MCF2L2: variants seen among roughly 807,000 people sequenced by gnomAD.
The protein encoded by MCF2L2 is probable guanine nucleotide exchange factor MCF2L2.
Under a neutral mutation model 150.2 loss-of-function variants are expected in MCF2L2, and 102 were observed. The observed-to-expected ratio is 0.68, with a 90% CI of 0.58 to 0.80. The LOEUF (loss-of-function observed/expected upper bound fraction) is 0.80, where lower values mean the gene tolerates loss of function less well. Ranked by LOEUF, MCF2L2 falls within the 30% of genes least tolerant of loss-of-function variation. The probability of loss-of-function intolerance (pLI) is 0.00; values close to 1 mark genes in which losing one functional copy is unlikely to be tolerated. For synonymous variants in MCF2L2, 465 were observed against 491.3 expected, an observed-to-expected ratio of 0.95 and a Z score of 0.71; for missense variants, 1,256 against 1,372.8, an observed-to-expected ratio of 0.91 and a Z score of 1.34.
intron 3 of MCF2L2, among the ~76,000 whole-genome samples, chr3:183,359,366 C>A (rs991964349): frequency 6.6e-6 from 1 of 152,202 alleles, no homozygotes; most frequent in South Asian, 2.1e-4. Context: ...CTTTCTGATT[C>A]GTTTCACAAA....
intron 15 of MCF2L2, among the ~76,000 whole-genome samples, chr3:183,233,754 A>G (rs1723673134): frequency 6.6e-6 from 1 of 152,196 alleles, no homozygotes; most frequent in Non-Finnish European, 1.5e-5. Flanking sequence ...ATCTTTTTTA[A>G]AGTGAAACAT....
At chr3:183,321,999 G>C (rs555887134) in intron 6 of MCF2L2, among the ~76,000 whole-genome samples, 1 of 152,360 alleles carries the variant, frequency 6.6e-6, no homozygotes, top group African/African-American at 2.4e-5. Flanking sequence ...GGCAGAGGGG[G>C]CATAACAGCT....
At chr3:183,308,573 C>G (rs1729214867) in intron 10 of MCF2L2, among the ~76,000 whole-genome samples, 1 of 152,146 alleles carries the variant, frequency 6.6e-6, no homozygotes, top group African/African-American at 2.4e-5. Context: ...GAATGGGGAT[C>G]TGGATACACA....
intron 20 of MCF2L2, among the ~76,000 whole-genome samples, chr3:183,221,124 C>G (rs1206293794): frequency 6.6e-6 from 1 of 152,192 alleles, no homozygotes; most frequent in Non-Finnish European, 1.5e-5. Flanking sequence ...CAAGGTCGTT[C>G]CTTTCTTTGC....
At chr3:183,280,299 CTA>C (rs1727396321) in intron 14 of MCF2L2, among the ~76,000 whole-genome samples, 1 of 152,008 alleles carries the variant, frequency 6.6e-6, no homozygotes, top group Non-Finnish European at 1.5e-5. Context: ...AAAAAAACGC[CTA>C]GAGGAATTTT....
At chr3:183,290,337 T>TG (rs143935266) in intron 13 of MCF2L2, among the ~76,000 whole-genome samples, 3,038 of 152,288 alleles carry the variant, frequency 0.02, 58 homozygotes, top group East Asian at 0.051. Flanking sequence ...AATTGGGACT[T>TG]GAGAGGAGAA....
At chr3:183,206,093 G>A in intron 24 of MCF2L2, 29 bp downstream of exon 24, 1 of 1,597,420 alleles carries the variant, frequency 6.3e-7, no homozygotes, top group Non-Finnish European at 8.6e-7. Flanking sequence ...AAGAGTAGAG[G>A]AGACCCATGG....
intron 1 of MCF2L2, among the ~76,000 whole-genome samples, chr3:183,409,283 T>A (rs899001897): frequency 1.3e-5 from 2 of 152,224 alleles, no homozygotes; most frequent in African/African-American, 4.8e-5. Flanking sequence ...TAGCACTTTG[T>A]CATTTACTGG....
chr3:183,340,308 TGA>T (rs999972956), intron 4 of MCF2L2, among the ~76,000 whole-genome samples: 28 of 152,172 alleles, frequency 1.8e-4, no homozygotes, highest in African/African-American at 6.8e-4. Context: ...CAGGTTTAAG[TGA>T]GGTTTCAAAT....
intron 25 of MCF2L2, 31 bp from the exon 26 acceptor site, chr3:183,195,286 C>G: frequency 6.4e-7 from 1 of 1,552,956 alleles, no homozygotes; most frequent in Non-Finnish European, 8.8e-7. Flanking sequence ...AAACAGCACT[C>G]TCAAATTTAA....
chr3:183,422,187 G>C (rs895537228), intron 1 of MCF2L2, among the ~76,000 whole-genome samples: 2 of 152,174 alleles, frequency 1.3e-5, no homozygotes, highest in African/African-American at 4.8e-5. Context: ...TGATAAACAA[G>C]CTGGCCTATG....
At chr3:183,297,606 A>G (rs7643268) in intron 11 of MCF2L2, 9,719 of 149,180 alleles carry the variant, frequency 0.065, 1,020 homozygotes, top group African/African-American at 0.23. Context: ...CTACAGATGC[A>G]TGCCACCACA....
Position 183,381,664 on chromosome 3 carries a change from G to T in MCF2L2, c.161-2253C>A, listed in dbSNP as rs570382277. Among the ~76,000 whole-genome samples, 143 of 152,236 alleles carry T rather than the reference G, an allele frequency of 9.4e-4. 2 individuals carry two copies. In the South Asian group the frequency reaches 0.028, roughly 30 times the overall value. ...ATTGCTGTAGAACGAAACCATGTGA[G>T]ATTTGTCTGGATGGTCAGTCATCCC... is the stretch of plus-strand genomic sequence containing the variant. On this transcript the variant is annotated intron_variant, in intron 2 of 29. Transcript: ENST00000328913.
At chr3:183,310,889 A>T in intron 9 of MCF2L2, 26 bp downstream of exon 9, 1 of 1,512,318 alleles carries the variant, frequency 6.6e-7, no homozygotes, top group African/African-American at 1.4e-5. Context: ...CAGAAAAGAA[A>T]GTTACAGTAA....
chr3:183,424,252 C>T (rs1651733172), intron 1 of MCF2L2, among the ~76,000 whole-genome samples: 1 of 152,142 alleles, frequency 6.6e-6, no homozygotes. Flanking sequence ...GACATGTGTT[C>T]ACATGTGAAC....
chr3:183,230,174 C>T (rs113639055), intron 16 of MCF2L2, among the ~76,000 whole-genome samples: 133 of 152,224 alleles, frequency 8.7e-4, no homozygotes, highest in African/African-American at 3.0e-3. Context: ...AGTGCAATGG[C>T]GTGATCTCGG....
intron 15 of MCF2L2, chr3:183,271,664 C>T (rs961895959): frequency 1.8e-5 from 3 of 166,840 alleles, no homozygotes; most frequent in Admixed American, 6.5e-5. Context: ...ACACATAACA[C>T]GGGCAGCTGG....
intron 28 of MCF2L2, 37 bp downstream of exon 28, chr3:183,180,034 G>A (rs775068670): frequency 6.7e-7 from 1 of 1,491,472 alleles, no homozygotes; most frequent in Non-Finnish European, 9.4e-7. Flanking sequence ...ATAGGAAGGA[G>A]GGAAGAAGAT....
chr3:183,413,718 A>C (rs553658274), intron 1 of MCF2L2, among the ~76,000 whole-genome samples: 1 of 152,350 alleles, frequency 6.6e-6, no homozygotes, highest in South Asian at 2.1e-4. Context: ...GTCAGGAGGT[A>C]GACCAGCAGG....
Sources: allele counts gnomAD v4.1 joint callset (sites outside exome capture counted in the v4.1 genomes callset), GRCh38; gene constraint gnomAD v4.1.1; transcripts MANE v1.5; gene names NCBI Gene and HGNC (gene_info 2026-07-23, HGNC 2026-07-21).